The following PAX5 variants were observed in gnomAD, a reference collection of about 807,000 sequenced individuals.
The protein encoded by PAX5 is paired box 5.
PAX5 carries 9 observed loss-of-function variants against 43.7 expected under a neutral mutation model. The ratio of observed to expected loss-of-function variants is 0.21; its 90% confidence interval spans 0.12 to 0.36. The LOEUF is 0.36. PAX5 is among the 10% of genes least tolerant of loss of function. The pLI is 1.00. For synonymous variants in PAX5, 228 were observed against 214.3 expected (o/e 1.06, Z -0.56); for missense variants, 383 against 532.7 (o/e 0.72, Z 2.77).
chr9:36,851,514 G>C (rs1053134940), intron 8 of PAX5, among the ~76,000 whole-genome samples: 1 of 152,212 alleles, frequency 6.6e-6, no homozygotes, highest in Non-Finnish European at 1.5e-5. Flanking sequence ...GTCCCGAGAA[G>C]CCTGAGCCTG....
intron 6 of PAX5, among the ~76,000 whole-genome samples, chr9:36,952,396 T>A (rs376078659): frequency 6.1e-4 from 93 of 152,094 alleles, no homozygotes; most frequent in African/African-American, 2.1e-3. Flanking sequence ...CATGCCACCA[T>A]GCCTAGCTAA....
At chr9:37,020,372 C>A (rs1406694107) in intron 2 of PAX5, among the ~76,000 whole-genome samples, 1 of 152,190 alleles carries the variant, frequency 6.6e-6, no homozygotes, top group Non-Finnish European at 1.5e-5. Flanking sequence ...ACGTCTTACT[C>A]TTGAGTTCTT....
chr9:36,909,627 GC>G (rs1221516061), intron 7 of PAX5, among the ~76,000 whole-genome samples: 1 of 152,074 alleles, frequency 6.6e-6, no homozygotes, highest in East Asian at 1.9e-4. Context: ...AAAACCCAAT[GC>G]CCACAGGGGC....
rs1830316581 is a variant in PAX5 at position 36,923,191 on chromosome 9, T to G, written c.910+164A>C. 4.1e-6 allele frequency: 3 copies of G among 739,664 alleles called. No homozygotes were observed. The South Asian group carries it at 6.2e-5, about 15-fold the overall frequency. 45.8% of individuals were successfully genotyped at this position (739,664 alleles called of 1,614,324 possible). A position where few individuals can be genotyped will look rare whatever the true frequency, so the allele number is the denominator to read the frequency against. On this transcript the variant is annotated intron_variant, in intron 7 of 9. Transcript: ENST00000358127. ...ATATCCAGCCATGTCTCATCACAGC[T>G]GCAACCCTGGCCCCAGCACCTGACC...
chr9:36,883,514 T>C (rs974888494), intron 7 of PAX5, among the ~76,000 whole-genome samples: 1 of 151,816 alleles, frequency 6.6e-6, no homozygotes, highest in Admixed American at 6.6e-5. Flanking sequence ...AAAATATATA[T>C]ATATAAATTA....
At chr9:37,028,722 C>A (rs138458608) in intron 1 of PAX5, among the ~76,000 whole-genome samples, 23 of 152,200 alleles carry the variant, frequency 1.5e-4, no homozygotes, top group Admixed American at 7.8e-4. Flanking sequence ...GGTGGACAGG[C>A]GCATTCTATC....
intron 5 of PAX5, among the ~76,000 whole-genome samples, chr9:36,977,764 G>T (rs942306333): frequency 4.6e-5 from 7 of 152,196 alleles, no homozygotes; most frequent in Non-Finnish European, 7.3e-5. Flanking sequence ...AAAGTGCTGG[G>T]ATTACAGGCA....
chr9:37,033,968 C>G lies in PAX5; in HGVS notation c.46+18G>C. On this transcript the variant is annotated intron_variant, in intron 1 of 9. Transcript: ENST00000358127. Reference sequence around the variant, plus strand: ...TGTCCCGGAGTTTGCACATCTGGAGCCCGTATCGCGGTCCTACCTGTCCTG... The same window carrying G: ...TGTCCCGGAGTTTGCACATCTGGAGGCCGTATCGCGGTCCTACCTGTCCTG... 6.2e-7 allele frequency: 1 copy of G among 1,610,864 alleles called. No individual in the cohort carries two copies. Among genetic ancestry groups the G allele is most frequent in the Non-Finnish European group, 8.5e-7 (1 of 1,178,868 alleles).
chr9:36,854,615 C>T (rs112377063), intron 8 of PAX5, among the ~76,000 whole-genome samples: 2,539 of 152,254 alleles, frequency 0.017, 70 homozygotes, highest in African/African-American at 0.058. Context: ...TGCACCCACG[C>T]CAAGCCTCTC....
At chr9:36,902,389 T>C (rs1279378937) in intron 7 of PAX5, among the ~76,000 whole-genome samples, 1 of 151,930 alleles carries the variant, frequency 6.6e-6, no homozygotes, top group East Asian at 1.9e-4. Context: ...CTGGAGAGAG[T>C]GCAGGAGTTG....
chr9:37,025,992 C>T (rs1012892105), intron 1 of PAX5, among the ~76,000 whole-genome samples: 1 of 152,164 alleles, frequency 6.6e-6, no homozygotes, highest in Non-Finnish European at 1.5e-5. Flanking sequence ...TTTTTCAAAG[C>T]CCCCTCCTCA....
intron 8 of PAX5, among the ~76,000 whole-genome samples, chr9:36,878,448 T>C (rs1318313669): frequency 6.6e-6 from 1 of 152,180 alleles, no homozygotes; most frequent in Non-Finnish European, 1.5e-5. Flanking sequence ...GGGGGCCATC[T>C]GGGAAGGCTT....
chr9:37,032,181 C>G (rs866893097), intron 1 of PAX5, among the ~76,000 whole-genome samples: 1 of 152,038 alleles, frequency 6.6e-6, no homozygotes, highest in Non-Finnish European at 1.5e-5. Context: ...CCCACCCAGT[C>G]CAGCTATGCA....
At chr9:36,994,942 C>T (rs910029317) in intron 5 of PAX5, among the ~76,000 whole-genome samples, 1 of 152,166 alleles carries the variant, frequency 6.6e-6, no homozygotes, top group Non-Finnish European at 1.5e-5. Context: ...CACGACCACA[C>T]CCCAGCAGAA....
intron 5 of PAX5, among the ~76,000 whole-genome samples, chr9:36,996,340 G>A (rs1054323322): frequency 2.0e-5 from 3 of 152,188 alleles, no homozygotes; most frequent in African/African-American, 4.8e-5. Flanking sequence ...AACTCTATTC[G>A]CCAGATAACA....
chr9:36,913,790 T>C (rs540801176), intron 7 of PAX5, among the ~76,000 whole-genome samples: 92 of 152,222 alleles, frequency 6.0e-4, no homozygotes, highest in Non-Finnish European at 8.8e-4. Context: ...AGACCCCAGG[T>C]AGAGCCCTGG....
chr9:36,923,514 C>T (rs763960792), intron 6 of PAX5, 30 bp from the exon 7 acceptor site: 9 of 1,593,874 alleles, frequency 5.6e-6, no homozygotes, highest in Non-Finnish European at 7.7e-6. Flanking sequence ...CGTCTCAGCA[C>T]CAAGACTCCA....
rs1281666720 is a variant in PAX5 at position 37,015,994 on chromosome 9, A to T, written c.213-800T>A. 6.6e-6 allele frequency among the ~76,000 whole-genome samples: 1 copy of T among 152,232 alleles called. No individual in the cohort carries two copies. Among genetic ancestry groups the T allele is most frequent in the African/African-American group, 2.4e-5 (1 of 41,460 alleles). The stretch of plus-strand genomic sequence containing the variant: ...ACTTTCGAGTCAGTTTTCCCATTTT[A>T]TCTCCAACAGTTCTAAAGCACATAA... On this transcript the variant is annotated intron_variant, in intron 2 of 9. Transcript: ENST00000358127. This position sits in a 1 kb window ranked among gnomAD's most constrained non-coding sequence, Gnocchi z 4.4.
chr9:36,949,426 C>T (rs1249466070), intron 6 of PAX5, among the ~76,000 whole-genome samples: 1 of 80,954 alleles, frequency 1.2e-5, no homozygotes, highest in African/African-American at 3.3e-5. Context: ...GTGGTAAAGC[C>T]AAGTAGATTG....
Sources: allele counts gnomAD v4.1 joint callset (sites outside exome capture counted in the v4.1 genomes callset), GRCh38; gene constraint gnomAD v4.1.1; non-coding constraint Gnocchi (gnomAD v3.1); transcripts MANE v1.5; gene names NCBI Gene and HGNC (gene_info 2026-07-23, HGNC 2026-07-21).